The following GALNT13 variants were observed in gnomAD, a reference collection of about 807,000 sequenced individuals.
The protein encoded by GALNT13 is polypeptide N-acetylgalactosaminyltransferase 13.
Under a neutral mutation model 64.2 loss-of-function variants are expected in GALNT13, and 28 were observed. The observed-to-expected ratio is 0.44, with a 90% CI of 0.32 to 0.60. The LOEUF is 0.60. Among genes scored for constraint, GALNT13 ranks in the 20% least tolerant of loss-of-function variants. GALNT13 has a pLI of 0.05. For synonymous variants in GALNT13, 214 were observed against 224.6 expected (o/e 0.95, Z 0.42); for missense variants, 577 against 669.8 (o/e 0.86, Z 1.53).
chr2:153,532,335 G>T, the GALNT13 span, among the ~76,000 whole-genome samples: 1 of 152,072 alleles, frequency 6.6e-6, no homozygotes, highest in South Asian at 2.1e-4. Flanking sequence ...TTGAGCCACG[G>T]CTAGAGCTGG....
chr2:153,495,951 G>A, the GALNT13 span, among the ~76,000 whole-genome samples: 1 of 152,134 alleles, frequency 6.6e-6, no homozygotes, highest in Admixed American at 6.6e-5. Flanking sequence ...CACTCTTCTT[G>A]GGCTTGTTAG....
At chr2:153,907,097 GT>G (rs1688618039) in intron 2 of GALNT13, among the ~76,000 whole-genome samples, 1 of 151,794 alleles carries the variant, frequency 6.6e-6, no homozygotes, top group African/African-American at 2.4e-5. Flanking sequence ...GGGGTTGTTT[GT>G]TTTTTTCTTG....
chr2:153,384,674 T>A, the GALNT13 span, among the ~76,000 whole-genome samples: 1 of 152,068 alleles, frequency 6.6e-6, no homozygotes, highest in Non-Finnish European at 1.5e-5. Context: ...TAAAAAACAA[T>A]GTCCCACTCA....
chr2:153,786,110 C>T, the GALNT13 span, among the ~76,000 whole-genome samples: 2 of 151,906 alleles, frequency 1.3e-5, no homozygotes, highest in Non-Finnish European at 2.9e-5. Flanking sequence ...TCTCACTGGG[C>T]AGGGCTGCCT....
the GALNT13 span, among the ~76,000 whole-genome samples, chr2:153,728,779 A>G: frequency 6.6e-6 from 1 of 152,188 alleles, no homozygotes; most frequent in Admixed American, 6.5e-5. Context: ...AGAATCAAAT[A>G]GACACAATAA....
At chr2:154,035,540 T>C (rs985692765) in intron 3 of GALNT13, among the ~76,000 whole-genome samples, 29 of 152,214 alleles carry the variant, frequency 1.9e-4, no homozygotes, top group Admixed American at 5.2e-4. Context: ...TTAGTCATTT[T>C]TTAAGTGGAA....
chr2:153,138,639 C>T, the GALNT13 span, among the ~76,000 whole-genome samples: 3 of 152,006 alleles, frequency 2.0e-5, no homozygotes, highest in African/African-American at 4.8e-5. Context: ...ATTTGGGTAG[C>T]CATATAAAAA....
At chr2:154,340,921 T>C (rs922572928) in intron 9 of GALNT13, among the ~76,000 whole-genome samples, 22 of 147,092 alleles carry the variant, frequency 1.5e-4, no homozygotes, top group African/African-American at 4.2e-4. Context: ...TGTGTGTGTG[T>C]GCCAGTGCGC....
chr2:154,121,091 G>T (rs1013939631), intron 3 of GALNT13, among the ~76,000 whole-genome samples: 1 of 152,168 alleles, frequency 6.6e-6, no homozygotes, highest in Admixed American at 6.5e-5. Context: ...GTATTGTGCC[G>T]ACTTGGGGAA....
intron 9 of GALNT13, among the ~76,000 whole-genome samples, chr2:154,346,397 C>T (rs548675573): frequency 2.0e-5 from 3 of 152,042 alleles, no homozygotes; most frequent in Admixed American, 6.6e-5. Flanking sequence ...TGTGTCCCTA[C>T]CCAAGTCTCA....
chr2:153,130,626 C>T, the GALNT13 span, among the ~76,000 whole-genome samples: 2 of 152,150 alleles, frequency 1.3e-5, no homozygotes, highest in African/African-American at 4.8e-5. Context: ...TACTCTCCCA[C>T]CTCAGTCTTT....
At chr2:154,318,226 T>C (rs1694429028) in intron 9 of GALNT13, among the ~76,000 whole-genome samples, 1 of 152,216 alleles carries the variant, frequency 6.6e-6, no homozygotes, top group Admixed American at 6.5e-5. Flanking sequence ...GGAATACTAA[T>C]ATTTCTAAGT....
chr2:153,412,315 T>A, the GALNT13 span, among the ~76,000 whole-genome samples: 1 of 152,336 alleles, frequency 6.6e-6, no homozygotes, highest in East Asian at 1.9e-4. Flanking sequence ...TTACTAGCTG[T>A]GTGATTCAAA....
intron 1 of GALNT13, among the ~76,000 whole-genome samples, chr2:153,883,613 A>G (rs1228361730): frequency 6.6e-6 from 1 of 152,122 alleles, no homozygotes. Flanking sequence ...AGGAAGGTGA[A>G]CAAATTGTGT....
the GALNT13 span, among the ~76,000 whole-genome samples, chr2:153,624,015 T>C: frequency 6.6e-6 from 1 of 152,092 alleles, no homozygotes; most frequent in Non-Finnish European, 1.5e-5. Flanking sequence ...GTTCTAACCA[T>C]GAACATGCCT....
intron 4 of GALNT13, among the ~76,000 whole-genome samples, chr2:154,181,926 G>A (rs1472873878): frequency 2.7e-5 from 4 of 150,854 alleles, no homozygotes; most frequent in East Asian, 1.9e-4. Context: ...ATGTTTATAT[G>A]TTATTGGTTA....
At chr2:154,156,814 A>T (rs67210806) in intron 4 of GALNT13, among the ~76,000 whole-genome samples, 7,919 of 152,242 alleles carry the variant, frequency 0.052, 291 homozygotes, top group South Asian at 0.11. Context: ...ACTTATATAG[A>T]TATAAGGGAG....
chr2:153,582,230 T>G, the GALNT13 span, among the ~76,000 whole-genome samples: 1 of 152,184 alleles, frequency 6.6e-6, no homozygotes, highest in Non-Finnish European at 1.5e-5. Context: ...TTGTAATTCT[T>G]AAGCCACTAA....
chr2:153,506,590 ATT>A, the GALNT13 span, among the ~76,000 whole-genome samples: 1 of 152,162 alleles, frequency 6.6e-6, no homozygotes, highest in Non-Finnish European at 1.5e-5. Context: ...TCTTTCCTTA[ATT>A]TATGAAGCTT....
Sources: allele counts gnomAD v4.1 joint callset (sites outside exome capture counted in the v4.1 genomes callset), GRCh38; gene constraint gnomAD v4.1.1; transcripts MANE v1.5; gene names NCBI Gene and HGNC (gene_info 2026-07-23, HGNC 2026-07-21).